ADGRV1: variants seen among roughly 807,000 people sequenced by gnomAD.
ADGRV1 encodes the protein G-protein coupled receptor 98.
In ADGRV1, 359 loss-of-function variants were observed where a neutral mutation model predicts 596.2. The observed-to-expected ratio is 0.60, with a 90% CI of 0.55 to 0.66. The LOEUF (loss-of-function observed/expected upper bound fraction) is 0.66, where lower values mean the gene tolerates loss of function less well. ADGRV1 is among the 30% of genes least tolerant of loss of function. ADGRV1 has a pLI of 0.00. For synonymous variants in ADGRV1, 2,681 were observed against 2,679.2 expected (o/e 1.00, Z -0.02); for missense variants, 7,274 against 7,575.6 (o/e 0.96, Z 1.48).
At chr5:90,961,282 T>C (rs1777987293) in intron 83 of ADGRV1, among the ~76,000 whole-genome samples, 1 of 151,890 alleles carries the variant, frequency 6.6e-6, no homozygotes, top group Non-Finnish European at 1.5e-5. Flanking sequence ...GGGCGGATCA[T>C]GAGGTCAGGA....
At chr5:90,817,940 A>G (rs1371696148) in intron 75 of ADGRV1, among the ~76,000 whole-genome samples, 2 of 152,124 alleles carry the variant, frequency 1.3e-5, no homozygotes, top group Admixed American at 6.5e-5. Context: ...GTTTTTTCCA[A>G]TTCTGTGAAG....
chr5:91,043,950 C>T (rs1241125294), intron 85 of ADGRV1, among the ~76,000 whole-genome samples: 1 of 151,710 alleles, frequency 6.6e-6, no homozygotes, highest in Admixed American at 6.6e-5. Flanking sequence ...CTCCCTGTTT[C>T]TTCAAAAAGA....
At chr5:90,756,374 A>T in intron 55 of ADGRV1, 80 bp from the exon 56 acceptor site, 1 of 893,380 alleles carries the variant, frequency 1.1e-6, no homozygotes, top group Non-Finnish European at 1.7e-6. Flanking sequence ...TTATTTCCTT[A>T]CTGAAAAATA....
chr5:90,695,168 G>C (rs1432679104), intron 33 of ADGRV1, among the ~76,000 whole-genome samples: 3 of 152,094 alleles, frequency 2.0e-5, no homozygotes, highest in Admixed American at 1.3e-4. Flanking sequence ...TTATTTGTAA[G>C]TAAAAGTAGC....
chr5:90,716,836 A>G (rs1479059388), intron 43 of ADGRV1, 107 bp downstream of exon 43: 3 of 767,876 alleles, frequency 3.9e-6, no homozygotes, highest in Non-Finnish European at 6.2e-6. Context: ...CAATACTTCC[A>G]GCTTAGGTGT....
rs1759038737 is a variant in ADGRV1, at chr5:90,783,159, G to A, written c.13267G>A (p.Val4423Met). The part of the protein sequence containing the change: ...EDVGLIMIPV[V>M]RLHGTYGYVT... Reference sequence around the variant, plus strand: ...TGTTGGGCTGATCATGATCCCAGTGGTGAGGCTACATGGAACTTATGGCTA... The same window carrying A: ...TGTTGGGCTGATCATGATCCCAGTGATGAGGCTACATGGAACTTATGGCTA... Residue 4423 changes from valine (V) to methionine (M), a missense_variant, in exon 66 of 90, where the codon GTG becomes ATG. By Grantham distance (21) the Val-to-Met change is conservative. This residue lies in a region of ADGRV1 where 3,643 missense variants were observed against 3,809.2 expected (regional missense o/e 0.96). Transcript: ENST00000405460. 6.2e-7 allele frequency: 1 copy of A among 1,613,514 alleles called. No homozygotes were observed. Among genetic ancestry groups the A allele is most frequent in the South Asian group, 1.1e-5 (1 of 91,078 alleles).
chr5:90,882,567 T>G (rs1441453799), intron 83 of ADGRV1, among the ~76,000 whole-genome samples: 1 of 152,244 alleles, frequency 6.6e-6, no homozygotes, highest in Non-Finnish European at 1.5e-5. Context: ...CTTTAAAATT[T>G]CGAGAAAGCT....
chr5:90,861,391 C>G lies in ADGRV1; in HGVS notation c.17756-2366C>G, dbSNP rs556639239. 2.9e-3 allele frequency among the ~76,000 whole-genome samples: 448 copies of G among 151,994 alleles called. 3 individuals are homozygous for G. Among genetic ancestry groups the G allele is most frequent in the Admixed American group, 7.9e-3 (121 of 15,272 alleles). On this transcript the variant is annotated intron_variant, in intron 82 of 89. Transcript: ENST00000405460. Reference sequence around the variant, plus strand: ...GTGGTGTGATCTTGGCTCACTGCAACCTCCGCCTCCAGGATTCAAGCGATT... The same window carrying G: ...GTGGTGTGATCTTGGCTCACTGCAAGCTCCGCCTCCAGGATTCAAGCGATT...
intron 1 of ADGRV1, among the ~76,000 whole-genome samples, chr5:90,563,638 C>G (rs944542183): frequency 7.2e-5 from 11 of 152,178 alleles, no homozygotes; most frequent in Non-Finnish European, 1.3e-4. Flanking sequence ...GGGATTAATT[C>G]AGTTAACATG....
intron 79 of ADGRV1, among the ~76,000 whole-genome samples, chr5:90,849,653 A>G (rs1447229705): frequency 6.6e-6 from 1 of 152,170 alleles, no homozygotes; most frequent in Non-Finnish European, 1.5e-5. Context: ...GCTTCCCAAA[A>G]TGCTGGGATT....
intron 1 of ADGRV1, among the ~76,000 whole-genome samples, chr5:90,596,133 G>A (rs1182825957): frequency 2.1e-5 from 3 of 143,100 alleles, no homozygotes; most frequent in Admixed American, 6.9e-5. Flanking sequence ...GGGCAGAGGC[G>A]CTCCTCACAT....
intron 10 of ADGRV1, 84 bp from the exon 11 acceptor site, chr5:90,637,641 A>G (rs1396580907): frequency 1.0e-6 from 1 of 962,438 alleles, no homozygotes; most frequent in African/African-American, 1.6e-5. Context: ...TAATATATGT[A>G]CAAACTAATA....
chr5:91,155,483 A>G (rs1198383704), intron 89 of ADGRV1, among the ~76,000 whole-genome samples: 2 of 152,198 alleles, frequency 1.3e-5, no homozygotes, highest in Admixed American at 1.3e-4. Context: ...GGTTTCAGCA[A>G]ACACCCTCCC....
intron 83 of ADGRV1, among the ~76,000 whole-genome samples, chr5:90,938,780 A>C (rs1045736541): frequency 1.6e-4 from 24 of 152,206 alleles, no homozygotes; most frequent in Non-Finnish European, 3.4e-4. Flanking sequence ...CACTGAAGAA[A>C]GTATAATTCT....
intron 1 of ADGRV1, chr5:90,614,237 C>T: frequency 2.7e-6 from 1 of 374,628 alleles, no homozygotes; most frequent in Non-Finnish European, 5.1e-6. Context: ...TGGACATTTT[C>T]TTAGACGTGG....
intron 87 of ADGRV1, among the ~76,000 whole-genome samples, chr5:91,148,399 A>ACTCT (rs146552753): frequency 6.6e-6 from 1 of 152,014 alleles, no homozygotes; most frequent in Non-Finnish European, 1.5e-5. Flanking sequence ...TGCAGTCATG[A>ACTCT]CTCTAAGGGG....
Position 90,783,916 on chromosome 5 carries a change from A to T in ADGRV1, c.13512A>T (p.Arg4504Ser), listed in dbSNP as rs931304399. ...GAVLGRHLVS[R>S]IIIAKSDSPF... ...TCCTTGGGCGCCACCTAGTGAGCAG[A>T]ATCATAATAGCTAAGAGTGACTCTC... The change falls in exon 67 of 90, where the codon AGA (arginine) becomes AGT (serine). Residue 4504 changes from arginine (R) to serine (S), a missense_variant. Coordinates refer to ENST00000405460, the MANE Select transcript of ADGRV1 (RefSeq NM_032119.4). 6.2e-7 allele frequency: 1 copy of T among 1,612,530 alleles called. No homozygotes were observed. Among genetic ancestry groups the T allele is most frequent in the Non-Finnish European group, 8.5e-7 (1 of 1,179,330 alleles).
At chr5:90,960,769 A>T (rs1465519999) in intron 83 of ADGRV1, among the ~76,000 whole-genome samples, 1 of 152,206 alleles carries the variant, frequency 6.6e-6, no homozygotes, top group African/African-American at 2.4e-5. Flanking sequence ...AATTCTAGAT[A>T]AAAGGAAGAG....
chr5:90,774,417 A>T, intron 60 of ADGRV1, 114 bp downstream of exon 60: 1 of 628,284 alleles, frequency 1.6e-6, no homozygotes, highest in South Asian at 1.9e-5. Flanking sequence ...TTCCTAAAAC[A>T]TAAAGATACC....
Sources: gnomAD v4.1 joint callset for allele counts (sites outside exome capture counted in the v4.1 genomes callset) on GRCh38, gnomAD v4.1.1 for gene constraint, gnomAD v4.1.1 regional missense constraint, MANE v1.5 for transcripts, NCBI Gene and HGNC (gene_info 2026-07-23, HGNC 2026-07-21) for gene names.